NARS2: variants seen among roughly 807,000 people sequenced by gnomAD.
The protein encoded by NARS2 is asparaginyl-tRNA synthetase 2, mitochondrial.
NARS2 carries 60 observed loss-of-function variants against 62.9 expected under a neutral mutation model. That is an observed-to-expected ratio of 0.95 (90% CI 0.77 to 1.18). NARS2 has a LOEUF of 1.18. Among genes scored for constraint, NARS2 ranks in the 50% most tolerant of loss-of-function variants. The pLI is 0.00. For missense variants in NARS2, 619 were observed against 576.4 expected (o/e 1.07, Z -0.76); for synonymous variants, 196 against 200.0 (o/e 0.98, Z 0.17).
intron 6 of NARS2, among the ~76,000 whole-genome samples, chr11:78,523,098 C>A (rs760127948): frequency 6.6e-6 from 1 of 152,068 alleles, no homozygotes; most frequent in East Asian, 1.9e-4. Flanking sequence ...AAAAGACAAT[C>A]CAATTTTAAA....
intron 5 of NARS2, among the ~76,000 whole-genome samples, chr11:78,538,236 A>G (rs1468361444): frequency 3.3e-5 from 5 of 152,134 alleles, no homozygotes; most frequent in Non-Finnish European, 7.4e-5. Context: ...AAAATCACTT[A>G]TCCATGAGGC....
At chr11:78,549,000 A>C (rs1204586279) in intron 5 of NARS2, among the ~76,000 whole-genome samples, 2 of 152,184 alleles carry the variant, frequency 1.3e-5, no homozygotes, top group Admixed American at 6.5e-5. Context: ...TAGAGCCAAG[A>C]TCACAGGGCT....
chr11:78,478,242 A>G (rs1859189412), intron 9 of NARS2, among the ~76,000 whole-genome samples, 196 bp downstream of exon 9: 2 of 152,002 alleles, frequency 1.3e-5, no homozygotes, highest in Admixed American at 6.6e-5. Context: ...ACCAAACACA[A>G]GAGCTATAAA....
In NARS2 at chr11:78,436,666, C is replaced by T. The variant is rs181897672; in HGVS notation, c.*4G>A. The stretch of plus-strand genomic sequence containing the variant: ...GGGGTGCTTTTCCTTAACCAATCTT[C>T]CAGCTATAAAAGGCATGAATGAGGA... On this transcript the variant is annotated 3_prime_UTR_variant, in exon 14 of 14. Transcript: ENST00000281038. 1.6e-3 allele frequency: 2,522 copies of T among 1,614,016 alleles called. 14 individuals are homozygous for T. The highest frequency in any genetic ancestry group is 0.013 in the African/African-American group (991 of 75,054).
chr11:78,487,717 C>T (rs1447529329), intron 7 of NARS2, among the ~76,000 whole-genome samples: 1 of 151,972 alleles, frequency 6.6e-6, no homozygotes, highest in Non-Finnish European at 1.5e-5. Context: ...AAAAATGACC[C>T]TTTACATTGG....
At chr11:78,440,831 C>A (rs1205311642) in intron 13 of NARS2, among the ~76,000 whole-genome samples, 1 of 152,196 alleles carries the variant, frequency 6.6e-6, no homozygotes, top group Non-Finnish European at 1.5e-5. Context: ...CTGCGCCCAG[C>A]CAATATACAT....
intron 1 of NARS2, chr11:78,573,103 T>C (rs1353928994): frequency 1.3e-5 from 2 of 152,156 alleles, no homozygotes; most frequent in African/African-American, 4.8e-5. Flanking sequence ...GGAAAGAATA[T>C]GGAACTCAAA....
intron 6 of NARS2, among the ~76,000 whole-genome samples, chr11:78,521,618 G>A (rs897453838): frequency 2.6e-5 from 4 of 151,938 alleles, no homozygotes; most frequent in Non-Finnish European, 5.9e-5. Context: ...GTGAAACCTC[G>A]CCTCTACTAA....
At chr11:78,462,353 A>G (rs1858432991) in intron 11 of NARS2, among the ~76,000 whole-genome samples, 1 of 152,354 alleles carries the variant, frequency 6.6e-6, no homozygotes, top group Non-Finnish European at 1.5e-5. Context: ...GGCCAATTAC[A>G]CTAGAGGGTT....
intron 2 of NARS2, 142 bp downstream of exon 2, chr11:78,571,193 G>A (rs955377195): frequency 4.2e-5 from 25 of 592,922 alleles, no homozygotes; most frequent in South Asian, 3.5e-4. Flanking sequence ...CCAAATATTC[G>A]GAGTTGATCC....
chr11:78,548,683 G>A (rs75674086), intron 5 of NARS2, among the ~76,000 whole-genome samples: 1 of 152,134 alleles, frequency 6.6e-6, no homozygotes, highest in South Asian at 2.1e-4. Context: ...GATCGTGGTG[G>A]TAAAAAGTAG....
At chr11:78,492,157 A>G (rs2135321287) in intron 7 of NARS2, among the ~76,000 whole-genome samples, 1 of 151,606 alleles carries the variant, frequency 6.6e-6, no homozygotes, top group African/African-American at 2.4e-5. Context: ...TATCTACCTG[A>G]TCTTCTCAAG....
At chr11:78,443,167 A>T (rs1857628940) in intron 12 of NARS2, among the ~76,000 whole-genome samples, 1 of 151,992 alleles carries the variant, frequency 6.6e-6, no homozygotes, top group South Asian at 2.1e-4. Context: ...CTACTAAAAA[A>T]TACAAAAAAT....
intron 11 of NARS2, among the ~76,000 whole-genome samples, chr11:78,448,192 T>C (rs1389440882): frequency 1.3e-5 from 2 of 151,936 alleles, no homozygotes; most frequent in South Asian, 2.1e-4. Context: ...ATTATATATA[T>C]GAAACAATGA....
intron 5 of NARS2, among the ~76,000 whole-genome samples, chr11:78,557,401 A>G (rs1031774162): frequency 1.3e-5 from 2 of 152,244 alleles, no homozygotes; most frequent in Non-Finnish European, 2.9e-5. Flanking sequence ...GAAGTGAAGT[A>G]TGTGAGGTGG....
chr11:78,513,599 A>G (rs1337780052), intron 6 of NARS2, among the ~76,000 whole-genome samples: 1 of 151,742 alleles, frequency 6.6e-6, no homozygotes, highest in Non-Finnish European at 1.5e-5. Flanking sequence ...TCAACATGGT[A>G]AAACCACGTC....
chr11:78,532,926 T>C (rs1590823051), intron 5 of NARS2, among the ~76,000 whole-genome samples: 1 of 152,236 alleles, frequency 6.6e-6, no homozygotes, highest in Non-Finnish European at 1.5e-5. Context: ...CTTATATAAG[T>C]GAAGCCTCAG....
At chr11:78,564,450 C>T (rs1032225056) in intron 4 of NARS2, among the ~76,000 whole-genome samples, 1 of 152,214 alleles carries the variant, frequency 6.6e-6, no homozygotes, top group Non-Finnish European at 1.5e-5. Context: ...CTCAGCCTCC[C>T]CAAGTGCTGG....
At position 78,572,145 on chromosome 11, in the gene NARS2, G is replaced by T. The variant is rs945846047; in HGVS notation, c.142-701C>A. Among the ~76,000 whole-genome samples, 5 of 152,214 alleles carry T rather than the reference G, an allele frequency of 3.3e-5. No homozygotes were observed. The East Asian group carries it at 9.6e-4, about 29-fold the overall frequency. ...TGCAGTGAGCCAAGATCGCGCCAGTGCACTCCAGCCTGGGTGACAGAGCAA... is the reference window on the plus strand; with the variant it reads ...TGCAGTGAGCCAAGATCGCGCCAGTTCACTCCAGCCTGGGTGACAGAGCAA... On this transcript the variant is annotated intron_variant, in intron 1 of 13. Coordinates refer to ENST00000281038, the MANE Select transcript of NARS2 (RefSeq NM_024678.6).
Sources: gnomAD v4.1 joint callset for allele counts (sites outside exome capture counted in the v4.1 genomes callset) on GRCh38, gnomAD v4.1.1 for gene constraint, MANE v1.5 for transcripts, NCBI Gene and HGNC (gene_info 2026-07-23, HGNC 2026-07-21) for gene names.